Variants in MUC4 observed in about 807,000 individuals in gnomAD.
The protein encoded by MUC4 is mucin-4.
MUC4 carries 202 observed loss-of-function variants against 257.9 expected under a neutral mutation model. That is an observed-to-expected ratio of 0.78 (90% CI 0.70 to 0.88). MUC4 has a LOEUF of 0.88. MUC4 is among the 40% of genes least tolerant of loss of function. The pLI is 0.00. For synonymous variants in MUC4, 2,351 were observed against 2,757.1 expected, an observed-to-expected ratio of 0.85 and a Z score of 4.62; for missense variants, 5,976 against 6,513.7, an observed-to-expected ratio of 0.92 and a Z score of 2.84.
Position 195,775,245 on chromosome 3 carries a change from C to T in MUC4, c.12944-940G>A, listed in dbSNP as rs548703195. Reference sequence around the variant, plus strand: ...GCAAAACTGAGTCCTCCCTGGCTCCCGTTGCCTACAGGATTCCCCGCATGC... The same window carrying T: ...GCAAAACTGAGTCCTCCCTGGCTCCTGTTGCCTACAGGATTCCCCGCATGC... On this transcript the variant is annotated intron_variant, in intron 3 of 24. Transcript: ENST00000463781. Among the ~76,000 whole-genome samples the T allele has an allele frequency of 1.9e-4, 29 of 152,188 alleles. No individual in the cohort carries two copies. The East Asian group carries it at 4.1e-3, about 21-fold the overall frequency.
At chr3:195,808,361 G>A (rs534325546) in intron 1 of MUC4, among the ~76,000 whole-genome samples, 2 of 152,128 alleles carry the variant, frequency 1.3e-5, no homozygotes, top group South Asian at 2.1e-4. Context: ...AATTACAGGC[G>A]CTCGCCACCA....
Position 195,782,682 on chromosome 3 carries a change from AGTGT to A in MUC4, c.8894_8897del (p.Asp2965ValfsTer38), listed in dbSNP as rs1560334799. ...TGGCGTGACCTGTGGATGCTGAGGA[AGTGT>A]CGGTGACAGGAAGAGAGGTGGCGTG... On this transcript the variant is annotated frameshift_variant, in exon 2 of 25. Coordinates refer to ENST00000463781, the MANE Select transcript of MUC4 (RefSeq NM_018406.7). LOFTEE classifies it high-confidence loss of function. The A allele has an allele frequency of 7.6e-7, 1 of 1,319,660 alleles. No individual in the cohort carries two copies. The highest frequency in any genetic ancestry group is 1.0e-6 in the Non-Finnish European group (1 of 971,864). 81.7% of individuals were successfully genotyped at this position (1,319,660 alleles called of 1,614,324 possible).
intron 2 of MUC4, 149 bp from the exon 3 acceptor site, chr3:195,778,604 G>A: frequency 7.7e-7 from 1 of 1,296,260 alleles, no homozygotes; most frequent in Admixed American, 2.6e-5. Context: ...CGACATCAGT[G>A]CTTTTCGATT....
chr3:195,754,396 G>T (rs1422284033), intron 18 of MUC4, 24 bp from the exon 19 acceptor site: 30 of 1,589,704 alleles, frequency 1.9e-5, no homozygotes, highest in Non-Finnish European at 2.5e-5. Context: ...GCCGATCACG[G>T]GCGGCCAGGA....
chr3:195,765,247 G>C, intron 9 of MUC4, 23 bp downstream of exon 9: 2 of 1,597,188 alleles, frequency 1.3e-6, no homozygotes, highest in South Asian at 1.1e-5. Flanking sequence ...GTGGGCTTGT[G>C]GGGGGCGGGA....
At chr3:195,799,402 G>A (rs1363990133) in intron 1 of MUC4, among the ~76,000 whole-genome samples, 3 of 152,112 alleles carry the variant, frequency 2.0e-5, no homozygotes, top group Admixed American at 1.3e-4. Flanking sequence ...CTCCACCTCC[G>A]TGATTCTCCT....
Position 195,747,335 on chromosome 3 carries a change from C to T in MUC4, c.16080G>A (p.Glu5360=), listed in dbSNP as rs745875642. The change falls in exon 25 of 25, where the codon GAG becomes GAA. Residue 5360 remains glutamate (E), a synonymous_variant. Transcript: ENST00000463781. ...SIYTAWGEHC[E]HLSMKLDAFF... ...ACGCGTCGAGTTTCATGCTCAGGTG[C>T]TCACAGTGCTCGCCCCAGGCCGTGT... 6.8e-6 allele frequency: 11 copies of T among 1,613,962 alleles called. No individual in the cohort carries two copies. In the African/African-American group the frequency reaches 1.1e-4, roughly 16 times the overall value.
In MUC4 at chr3:195,759,341, A is replaced by G. The variant is rs1018275512; in HGVS notation, c.14849-80T>C. Reference sequence around the variant, plus strand: ...CAGCCTCCTCTCTTTCTCAACTCTAATATGTGTGAGGCATTCCCAGGACTG... The same window carrying G: ...CAGCCTCCTCTCTTTCTCAACTCTAGTATGTGTGAGGCATTCCCAGGACTG... On this transcript the variant is annotated intron_variant, in intron 16 of 24. Transcript: ENST00000463781. 5.8e-6 allele frequency: 9 copies of G among 1,550,094 alleles called. No individual in the cohort carries two copies. The African/African-American group carries it at 1.2e-4, about 21-fold the overall frequency.
chr3:195,811,894 G>A lies in MUC4; in HGVS notation c.-77C>T. 1.4e-6 allele frequency: 2 copies of A among 1,432,292 alleles called. No homozygotes were observed. Among genetic ancestry groups the A allele is most frequent in the Non-Finnish European group, 1.9e-6 (2 of 1,029,608 alleles). The allele number at this position is 1,432,292 out of a possible 1,614,324, so 88.7% of individuals were successfully genotyped here. On this transcript the variant is annotated 5_prime_UTR_variant, in exon 1 of 25. Transcript: ENST00000463781. ...GCTGCAGTGTGAGGAGCAGACGTGA[G>A]CCCGTCCCCTCAGGCGGCTGGCCCG... is the stretch of plus-strand genomic sequence containing the variant.
At position 195,810,548 on chromosome 3, in the gene MUC4, C is replaced by G. The variant is rs78459919; in HGVS notation, c.82+1188G>C. 0.14 allele frequency among the ~76,000 whole-genome samples: 20,849 copies of G among 152,128 alleles called. 1,594 individuals carry two copies. The highest frequency in any genetic ancestry group is 0.18 in the Non-Finnish European group (11,957 of 67,974). Reference sequence around the variant, plus strand: ...CCTCCCAGCTCTGTACACGGAGGAGCCCAAGGCCAATGCCGGGGCTACGAG... The same window carrying G: ...CCTCCCAGCTCTGTACACGGAGGAGGCCAAGGCCAATGCCGGGGCTACGAG... On this transcript the variant is annotated intron_variant, in intron 1 of 24. Coordinates refer to ENST00000463781, the MANE Select transcript of MUC4 (RefSeq NM_018406.7). This position sits in a 1 kb window ranked among gnomAD's most constrained non-coding sequence, Gnocchi z 4.2.
chr3:195,762,237 C>T lies in MUC4; in HGVS notation c.14362G>A (p.Ala4788Thr). Reference protein sequence around the residue: ...EDGGGQETFNATGVLLSRNGS... With the variant: ...EDGGGQETFNTTGVLLSRNGS... ...TTGCGGCTCAGGAGGACTCCGGTGG[C>T]GTTGAACGTCTCCTGGCCTGGAGCA... The change falls in exon 14 of 25, where the codon GCC becomes ACC. Residue 4788 changes from alanine (A) to threonine (T), a missense_variant. Around this residue, in one of 44 missense-constraint regions of MUC4, gnomAD observed 996 missense variants for 1,137.3 expected, o/e 0.88. Coordinates refer to ENST00000463781, the MANE Select transcript of MUC4 (RefSeq NM_018406.7). The T allele has an allele frequency of 6.3e-7, 1 of 1,585,678 alleles. No homozygotes were observed. Among genetic ancestry groups the T allele is most frequent in the South Asian group, 1.2e-5 (1 of 86,910 alleles).
At chr3:195,774,063 G>C (rs1413110015) in intron 4 of MUC4, 109 bp downstream of exon 4, 16 of 1,339,850 alleles carry the variant, frequency 1.2e-5, no homozygotes, top group East Asian at 2.9e-5. Flanking sequence ...TGGACGAGGG[G>C]CCCAGCCAAG....
At position 195,763,682 on chromosome 3, in the gene MUC4, A is replaced by G; in HGVS notation, c.14045-41T>C. The stretch of plus-strand genomic sequence containing the variant: ...AGATGCTGCCTCAGCATGACAAATC[A>G]TGTGTAGGGCTGAGGTTCCTCACTG... On this transcript the variant is annotated intron_variant, in intron 11 of 24. Transcript: ENST00000463781. The G allele has an allele frequency of 2.1e-6, 3 of 1,451,336 alleles. No homozygotes were observed. The South Asian group carries it at 4.3e-5, about 21-fold the overall frequency. 89.9% of individuals were successfully genotyped at this position (1,451,336 alleles called of 1,614,324 possible). A position where few individuals can be genotyped will look rare whatever the true frequency, so the allele number is the denominator to read the frequency against.
rs201319701 is a variant in MUC4, at chr3:195,779,970, G to T, written c.11610C>A (p.Ala3870=). The change falls in exon 2 of 25, where the codon GCC becomes GCA. Residue 3870 remains alanine (A), a synonymous_variant. Coordinates refer to ENST00000463781, the MANE Select transcript of MUC4 (RefSeq NM_018406.7). ...TSPSSASTGH[A]TPLPVTGLSS... is the part of the protein sequence containing the mutation. ...AAAGGCCGGTAACAGGAAGAGGGGTGGCGTGACCTGTGGATGCTGAGGAAG... is the reference window on the plus strand; with the variant it reads ...AAAGGCCGGTAACAGGAAGAGGGGTTGCGTGACCTGTGGATGCTGAGGAAG... 10 of 1,447,110 alleles carry T rather than the reference G, an allele frequency of 6.9e-6. 1 individual carries two copies. In the East Asian group the frequency reaches 2.5e-4, roughly 36 times the overall value. The allele number at this position is 1,447,110 out of a possible 1,614,324, so 89.6% of individuals were successfully genotyped here.
chr3:195,805,537 G>GT (rs1469652924), intron 1 of MUC4, among the ~76,000 whole-genome samples: 1 of 152,192 alleles, frequency 6.6e-6, no homozygotes, highest in African/African-American at 2.4e-5. Flanking sequence ...CCTCTCCACA[G>GT]TGGTTAGCCT....
Position 195,769,135 on chromosome 3 carries a change from G to A in MUC4, c.13416C>T (p.Ala4472=). The A allele has an allele frequency of 1.2e-6, 2 of 1,614,156 alleles. No individual in the cohort carries two copies. Among genetic ancestry groups the A allele is most frequent in the Middle Eastern group, 1.6e-4 (1 of 6,062 alleles). ...QWTLGSNTYQ[A]ILSTDGSRSY... is the part of the protein sequence containing the mutation. ...ACCTGCTCCCGTCCGTGGAGAGGAT[G>A]GCTTGGTAGGTGTTGCTCTGGGGGT... The change falls in exon 7 of 25, where the codon GCC becomes GCT. Residue 4472 remains alanine, a synonymous_variant. Coordinates refer to ENST00000463781, the MANE Select transcript of MUC4 (RefSeq NM_018406.7).
At chr3:195,761,187 C>T (rs774816947) in intron 15 of MUC4, 70 bp from the exon 16 acceptor site, 105 of 1,438,594 alleles carry the variant, frequency 7.3e-5, no homozygotes, top group Non-Finnish European at 8.6e-5. Flanking sequence ...CCACCTCTAC[C>T]CCTCACTTTA....
At chr3:195,749,103 A>G in intron 23 of MUC4, 39 bp from the exon 24 acceptor site, 1 of 1,601,326 alleles carries the variant, frequency 6.2e-7, no homozygotes, top group African/African-American at 1.3e-5. Context: ...AAAGCAACCG[A>G]TGAACACTAA....
In MUC4 at chr3:195,789,839, T is replaced by C; in HGVS notation, c.1741A>G (p.Ser581Gly). 6.2e-7 allele frequency: 1 copy of C among 1,614,030 alleles called. No homozygotes were observed. Among genetic ancestry groups the C allele is most frequent in the Non-Finnish European group, 8.5e-7 (1 of 1,179,882 alleles). The change falls in exon 2 of 25, where the codon AGC becomes GGC. Residue 581 changes from serine (S) to glycine (G), a missense_variant. Coordinates refer to ENST00000463781, the MANE Select transcript of MUC4 (RefSeq NM_018406.7). ...ATCTGAGTCACACTGTAGCTTGGGC[T>C]GCTGAGAAGAGCCTCTCCAGTGGTC... Reference protein sequence around the residue: ...TGTTGEALLSSPSYSVTQMIK... With the variant: ...TGTTGEALLSGPSYSVTQMIK...
Sources: gnomAD v4.1 joint callset for allele counts (sites outside exome capture counted in the v4.1 genomes callset) on GRCh38, gnomAD v4.1.1 for gene constraint, gnomAD v4.1.1 regional missense constraint, Gnocchi (gnomAD v3.1) non-coding constraint, MANE v1.5 for transcripts, NCBI Gene and HGNC (gene_info 2026-07-23, HGNC 2026-07-21) for gene names.